Variants in FGGY observed in about 807,000 individuals in gnomAD.
FGGY encodes the protein FGGY carbohydrate kinase domain containing.
In FGGY, 72 loss-of-function variants were observed where a neutral mutation model predicts 71.3. That is an observed-to-expected ratio of 1.01 (90% CI 0.84 to 1.23). The LOEUF (loss-of-function observed/expected upper bound fraction) is 1.23. Among genes scored for constraint, FGGY ranks in the 50% most tolerant of loss-of-function variants. The pLI, the probability that FGGY is intolerant of heterozygous loss-of-function variation, is 0.00. For missense variants in FGGY, 668 were observed against 682.3 expected (o/e 0.98, Z 0.23); for synonymous variants, 251 against 250.3 (o/e 1.00, Z -0.02).
intron 11 of FGGY, among the ~76,000 whole-genome samples, chr1:59,653,697 G>A (rs927444901): frequency 2.8e-4 from 43 of 152,204 alleles, no homozygotes; most frequent in African/African-American, 7.7e-4. Flanking sequence ...ATGGAAATGC[G>A]GAAATCACCC....
chr1:59,505,420 A>G (rs1272163087), intron 6 of FGGY, among the ~76,000 whole-genome samples: 3 of 152,202 alleles, frequency 2.0e-5, no homozygotes, highest in African/African-American at 7.2e-5. Flanking sequence ...TCAGTCTGAA[A>G]GGACTCCAGG....
At chr1:59,460,867 A>C (rs1025069508) in intron 6 of FGGY, among the ~76,000 whole-genome samples, 4 of 152,246 alleles carry the variant, frequency 2.6e-5, no homozygotes, top group Non-Finnish European at 5.9e-5. Flanking sequence ...GAACTCTAAC[A>C]AACAGAAAGG....
chr1:59,409,800 T>G (rs2063336044), intron 5 of FGGY, among the ~76,000 whole-genome samples: 1 of 152,160 alleles, frequency 6.6e-6, no homozygotes, highest in South Asian at 2.1e-4. Flanking sequence ...ATATCTTAGT[T>G]AAATGAAATA....
intron 8 of FGGY, among the ~76,000 whole-genome samples, chr1:59,554,957 G>A (rs2095661944): frequency 6.6e-6 from 1 of 152,146 alleles, no homozygotes; most frequent in African/African-American, 2.4e-5. Context: ...GGAGGAGCAG[G>A]GAGATGAGCA....
chr1:59,537,558 A>G (rs1020444329), intron 7 of FGGY, among the ~76,000 whole-genome samples: 3 of 152,224 alleles, frequency 2.0e-5, no homozygotes, highest in Non-Finnish European at 4.4e-5. Context: ...AAACCAAAAG[A>G]ACAAAGCTGG....
intron 5 of FGGY, among the ~76,000 whole-genome samples, chr1:59,446,272 T>G (rs757686082): frequency 1.3e-5 from 2 of 152,232 alleles, no homozygotes; most frequent in Non-Finnish European, 2.9e-5. Flanking sequence ...TCTCTTTCTT[T>G]TGGTGGCATG....
At chr1:59,467,498 A>T (rs1269118036) in intron 6 of FGGY, among the ~76,000 whole-genome samples, 2 of 129,758 alleles carry the variant, frequency 1.5e-5, no homozygotes, top group Non-Finnish European at 3.2e-5. Context: ...AAAGTATAAT[A>T]AAAAAAAAAC....
chr1:59,412,001 G>A (rs542177706), intron 5 of FGGY, among the ~76,000 whole-genome samples: 14 of 152,192 alleles, frequency 9.2e-5, no homozygotes, highest in Admixed American at 2.0e-4. Context: ...CGTCACTTAG[G>A]TCATTGCTAA....
intron 11 of FGGY, among the ~76,000 whole-genome samples, chr1:59,658,504 C>T (rs1024706045): frequency 2.0e-5 from 3 of 152,140 alleles, no homozygotes; most frequent in East Asian, 1.9e-4. Flanking sequence ...TAGGAATCCC[C>T]GCATCAACAG....
chr1:59,413,659 A>C (rs1208551054), intron 5 of FGGY, among the ~76,000 whole-genome samples: 3 of 152,048 alleles, frequency 2.0e-5, no homozygotes, highest in East Asian at 1.9e-4. Flanking sequence ...ATAAAAAAAA[A>C]CCCAGACTTG....
At chr1:59,661,162 G>A (rs564024778) in intron 12 of FGGY, among the ~76,000 whole-genome samples, 192 of 152,232 alleles carry the variant, frequency 1.3e-3, no homozygotes, top group African/African-American at 4.5e-3. Context: ...AATGCTATAC[G>A]TACATATATG....
intron 11 of FGGY, among the ~76,000 whole-genome samples, chr1:59,652,079 C>T (rs1332649349): frequency 6.6e-6 from 1 of 151,774 alleles, no homozygotes; most frequent in Non-Finnish European, 1.5e-5. Context: ...TGAATATTGG[C>T]CCCCACTCTC....
chr1:59,297,710 C>T (rs2042163292), intron 1 of FGGY, among the ~76,000 whole-genome samples: 1 of 151,876 alleles, frequency 6.6e-6, no homozygotes, highest in African/African-American at 2.4e-5. Context: ...GCAGTCCCAG[C>T]TTCTCGGGAG....
intron 4 of FGGY, among the ~76,000 whole-genome samples, chr1:59,370,898 T>A (rs1401588988): frequency 1.3e-5 from 2 of 152,044 alleles, no homozygotes; most frequent in Non-Finnish European, 2.9e-5. Flanking sequence ...AAATAGCTCC[T>A]GAAGGAAGCA....
Position 59,646,790 on chromosome 1 carries a change from G to T in FGGY, c.1221+8415G>T, listed in dbSNP as rs1323939260. ...AAGTAGCTTACTCAGAGGAGAAAAG[G>T]GTATAAGTGGAACGGGAACCAGTCA... On this transcript the variant is annotated intron_variant, in intron 11 of 15. Coordinates refer to ENST00000303721, the MANE Select transcript of FGGY (RefSeq NM_018291.5). Among the ~76,000 whole-genome samples the T allele has an allele frequency of 2.6e-5, 4 of 152,088 alleles. No individual in the cohort carries two copies. The East Asian group carries it at 7.7e-4, about 29-fold the overall frequency.
chr1:59,661,491 A>G (rs756104936), intron 12 of FGGY, among the ~76,000 whole-genome samples: 1 of 152,208 alleles, frequency 6.6e-6, no homozygotes, highest in Non-Finnish European at 1.5e-5. Context: ...TGGCCAATTC[A>G]GTGAAATCAG....
At chr1:59,690,961 AG>A (rs563539061) in intron 14 of FGGY, among the ~76,000 whole-genome samples, 72 of 152,340 alleles carry the variant, frequency 4.7e-4, no homozygotes, top group African/African-American at 1.6e-3. Flanking sequence ...TTCTGTTACT[AG>A]TAACTCAGTG....
intron 8 of FGGY, among the ~76,000 whole-genome samples, chr1:59,590,351 C>T (rs1475143127): frequency 3.3e-5 from 5 of 152,182 alleles, no homozygotes; most frequent in Non-Finnish European, 7.3e-5. Flanking sequence ...CTGAATTCTA[C>T]CAGAGGTACA....
Position 59,703,747 on chromosome 1 carries a change from A to T in FGGY, c.1512+29614A>T, listed in dbSNP as rs865775262. Among the ~76,000 whole-genome samples the T allele has an allele frequency of 2.6e-5, 4 of 152,220 alleles. No homozygotes were observed. The South Asian group carries it at 6.2e-4, about 24-fold the overall frequency. ...AGCAAGGAGCCAGAAAAAATAATTC[A>T]TACTAAAAACAAACTCTGTCATGAG... is the stretch of plus-strand genomic sequence containing the variant. On this transcript the variant is annotated intron_variant, in intron 14 of 15. Coordinates refer to ENST00000303721, the MANE Select transcript of FGGY (RefSeq NM_018291.5).
Sources: gnomAD v4.1 joint callset for allele counts (sites outside exome capture counted in the v4.1 genomes callset) on GRCh38, gnomAD v4.1.1 for gene constraint, MANE v1.5 for transcripts, NCBI Gene and HGNC (gene_info 2026-07-23, HGNC 2026-07-21) for gene names.